ASB3: variants seen among roughly 807,000 people sequenced by gnomAD.
ASB3 encodes the protein ankyrin repeat and SOCS box protein 3.
ASB3 carries 41 observed loss-of-function variants against 54.5 expected under a neutral mutation model. That is an observed-to-expected ratio of 0.75 (90% CI 0.59 to 0.98). The LOEUF (loss-of-function observed/expected upper bound fraction) is 0.98, where lower values mean the gene tolerates loss of function less well. ASB3 is among the 50% of genes least tolerant of loss of function. ASB3 has a pLI of 0.00. For missense variants in ASB3, 733 were observed against 620.0 expected (o/e 1.18, Z -1.94); for synonymous variants, 266 against 221.2 (o/e 1.20, Z -1.80).
At chr2:53,676,767 T>C (rs1027002257) in intron 9 of ASB3, among the ~76,000 whole-genome samples, 5 of 152,146 alleles carry the variant, frequency 3.3e-5, no homozygotes, top group African/African-American at 9.7e-5. Context: ...TGCTGTTTTG[T>C]TTGTTCGTTT....
At chr2:53,674,639 C>T (rs1667984570) in intron 9 of ASB3, among the ~76,000 whole-genome samples, 1 of 152,180 alleles carries the variant, frequency 6.6e-6, no homozygotes, top group South Asian at 2.1e-4. Flanking sequence ...AACCTATCTG[C>T]CTGAACTACA....
intron 7 of ASB3, among the ~76,000 whole-genome samples, chr2:53,708,752 C>G (rs983022147): frequency 1.3e-5 from 2 of 152,186 alleles, no homozygotes; most frequent in Non-Finnish European, 2.9e-5. Context: ...AGCAAAGAAC[C>G]TGAATGCACT....
At chr2:53,775,549 C>T (rs1674280030) in intron 1 of ASB3, among the ~76,000 whole-genome samples, 1 of 152,190 alleles carries the variant, frequency 6.6e-6, no homozygotes, top group Non-Finnish European at 1.5e-5. Flanking sequence ...AACCTCAGCT[C>T]ACTGCAGCCT....
intron 1 of ASB3, among the ~76,000 whole-genome samples, chr2:53,772,403 C>T (rs374600704): frequency 4.8e-4 from 73 of 152,082 alleles, no homozygotes; most frequent in Admixed American, 2.2e-3. Flanking sequence ...CTCAATCTCC[C>T]GACCTCGTGA....
At chr2:53,743,346 A>G (rs1015726122) in intron 3 of ASB3, among the ~76,000 whole-genome samples, 3 of 152,120 alleles carry the variant, frequency 2.0e-5, no homozygotes, top group Non-Finnish European at 1.5e-5. Flanking sequence ...AGGGAATAGT[A>G]CTGCCATAGG....
chr2:53,731,546 A>G (rs1671315973), intron 3 of ASB3, among the ~76,000 whole-genome samples: 1 of 152,248 alleles, frequency 6.6e-6, no homozygotes, highest in African/African-American at 2.4e-5. Flanking sequence ...TTACCATGGA[A>G]AAAACAGTTC....
Position 53,670,336 on chromosome 2 carries a change from T to G in ASB3, c.*167A>C. 1 of 402,148 alleles carries G rather than the reference T, an allele frequency of 2.5e-6. No homozygotes were observed. The highest frequency in any genetic ancestry group is 4.0e-6 in the Non-Finnish European group (1 of 247,934). The allele number at this position is 402,148 out of a possible 1,614,324, so 24.9% of individuals were successfully genotyped here. On this transcript the variant is annotated 3_prime_UTR_variant, in exon 10 of 10. Transcript: ENST00000263634. ...TTTTTTTTACTGGGAAGGCTAGTTG[T>G]AAACATAAACATTCTCACTGAACTA...
At chr2:53,766,464 G>C (rs1673462134) in intron 1 of ASB3, among the ~76,000 whole-genome samples, 1 of 152,172 alleles carries the variant, frequency 6.6e-6, no homozygotes, top group Non-Finnish European at 1.5e-5. Context: ...ACAGTTATTA[G>C]GAGAATGCCC....
chr2:53,769,551 A>G (rs1673744633), intron 1 of ASB3, among the ~76,000 whole-genome samples: 1 of 152,244 alleles, frequency 6.6e-6, no homozygotes, highest in Non-Finnish European at 1.5e-5. Flanking sequence ...ATTCTTTAAA[A>G]GGAGAAAGGG....
intron 7 of ASB3, among the ~76,000 whole-genome samples, chr2:53,708,014 T>C (rs181481347): frequency 2.0e-5 from 3 of 148,780 alleles, no homozygotes; most frequent in East Asian, 2.0e-4. Flanking sequence ...AAGAAAGAAA[T>C]GCAGAATATC....
At chr2:53,678,591 T>C (rs1668206402) in intron 9 of ASB3, among the ~76,000 whole-genome samples, 1 of 152,190 alleles carries the variant, frequency 6.6e-6, no homozygotes, top group Non-Finnish European at 1.5e-5. Context: ...ACAAATGTGG[T>C]GGCACAGTCA....
intron 9 of ASB3, among the ~76,000 whole-genome samples, chr2:53,690,514 T>C (rs1321273465): frequency 1.3e-5 from 2 of 152,112 alleles, no homozygotes; most frequent in African/African-American, 4.8e-5. Context: ...CAAGACATTG[T>C]CTAGGAAGCT....
At chr2:53,785,737 G>A (rs1262692644) in intron 1 of ASB3, among the ~76,000 whole-genome samples, 1 of 152,224 alleles carries the variant, frequency 6.6e-6, no homozygotes, top group Non-Finnish European at 1.5e-5. Context: ...CTACTCGGAA[G>A]GCTGAGAAAA....
At chr2:53,767,725 G>A (rs1274394774) in intron 1 of ASB3, 2 of 806,046 alleles carry the variant, frequency 2.5e-6, no homozygotes, top group African/African-American at 3.5e-5. Flanking sequence ...GATCCGCTCG[G>A]AAAATCTTTC....
intron 1 of ASB3, among the ~76,000 whole-genome samples, chr2:53,777,604 C>T (rs867284898): frequency 6.6e-6 from 1 of 152,036 alleles, no homozygotes; most frequent in East Asian, 1.9e-4. Flanking sequence ...TGTACTAAAA[C>T]CAGTACTCAT....
intron 3 of ASB3, among the ~76,000 whole-genome samples, chr2:53,739,931 C>G (rs1399622988): frequency 6.6e-6 from 1 of 152,148 alleles, no homozygotes; most frequent in South Asian, 2.1e-4. Context: ...ACTTCAGCCT[C>G]CCAAAATGTT....
chr2:53,689,475 TG>T (rs1368632621), intron 9 of ASB3, among the ~76,000 whole-genome samples: 1 of 152,186 alleles, frequency 6.6e-6, no homozygotes, highest in East Asian at 1.9e-4. Flanking sequence ...AAACTAGAAA[TG>T]GCTTTAGCAG....
At chr2:53,775,664 C>T (rs1051325885) in intron 1 of ASB3, among the ~76,000 whole-genome samples, 2 of 151,998 alleles carry the variant, frequency 1.3e-5, no homozygotes, top group Admixed American at 6.6e-5. Context: ...TTAGTAGAGA[C>T]GGGGTTTCAC....
At chr2:53,725,557 A>T (rs1037638152) in intron 5 of ASB3, among the ~76,000 whole-genome samples, 1 of 152,266 alleles carries the variant, frequency 6.6e-6, no homozygotes, top group Admixed American at 6.5e-5. Context: ...TGAAAATAGC[A>T]GTCATCTCCA....
Sources: gnomAD v4.1 joint callset for allele counts (sites outside exome capture counted in the v4.1 genomes callset) on GRCh38, gnomAD v4.1.1 for gene constraint, MANE v1.5 for transcripts, NCBI Gene and HGNC (gene_info 2026-07-23, HGNC 2026-07-21) for gene names.